Variants in PRKCZ observed in about 807,000 individuals in gnomAD.
PRKCZ encodes the protein protein kinase C zeta.
Under a neutral mutation model 79.5 loss-of-function variants are expected in PRKCZ, and 33 were observed. The ratio of observed to expected loss-of-function variants is 0.41; its 90% CI spans 0.31 to 0.55. PRKCZ has a LOEUF of 0.55. Ranked by LOEUF, PRKCZ falls within the 20% of genes least tolerant of loss-of-function variation. The pLI is 0.19. For missense variants in PRKCZ, 578 were observed against 813.5 expected (o/e 0.71, Z 3.52); for synonymous variants, 342 against 320.9 (o/e 1.07, Z -0.70).
At chr1:2,106,507 AACTCTCAGCAAGCCCCTCTG>A (rs1557574271) in intron 4 of PRKCZ, among the ~76,000 whole-genome samples, 1,381 of 46,386 alleles carry the variant, frequency 0.03, 359 homozygotes, top group Middle Eastern at 0.1. Context: ...CAGGCCAGGT[AACTCTCAGCAAGCCCCTCTG>A]GTGGGCGAGG....
In PRKCZ at chr1:2,172,408, C is replaced by T; in HGVS notation, c.1285+20C>T. ...AGTACGGTGAGTGCCGCTGCCCTGG[C>T]CCCTCTCGGAGCACACAGGGCCAGA... On this transcript the variant is annotated intron_variant, in intron 13 of 17. Transcript: ENST00000378567. The surrounding 1 kb of genome is among the most constrained non-coding windows in gnomAD (Gnocchi z 7.8). 1.9e-6 allele frequency: 3 copies of T among 1,603,854 alleles called. No homozygotes were observed. The highest frequency in any genetic ancestry group is 1.7e-6 in the Non-Finnish European group (2 of 1,174,880).
intron 4 of PRKCZ, among the ~76,000 whole-genome samples, chr1:2,102,641 G>C (rs1438096714): frequency 6.6e-6 from 1 of 151,852 alleles, no homozygotes; most frequent in Admixed American, 6.6e-5. Context: ...CCTCGTTTTT[G>C]TTTGTTTTAC....
intron 4 of PRKCZ, among the ~76,000 whole-genome samples, chr1:2,126,697 G>C (rs972056371): frequency 1.3e-5 from 2 of 152,210 alleles, no homozygotes; most frequent in African/African-American, 2.4e-5. Context: ...ATGGCATTGC[G>C]CAGCTCCACC....
intron 9 of PRKCZ, among the ~76,000 whole-genome samples, chr1:2,155,365 T>C (rs1680783352): frequency 6.6e-6 from 1 of 151,562 alleles, no homozygotes. Flanking sequence ...ACGGTGATGA[T>C]GGTGATGACA....
intron 5 of PRKCZ, among the ~76,000 whole-genome samples, chr1:2,137,152 G>A (rs184415924): frequency 4.9e-4 from 74 of 152,296 alleles, no homozygotes; most frequent in Admixed American, 1.0e-3. Context: ...AAGTCCCGGA[G>A]TCTAAAGGCC....
intron 11 of PRKCZ, among the ~76,000 whole-genome samples, chr1:2,170,800 C>G (rs895407372): frequency 3.3e-5 from 5 of 152,236 alleles, no homozygotes; most frequent in Non-Finnish European, 7.3e-5. Context: ...AAGATTCATC[C>G]GTGCTGTGGC....
In PRKCZ at chr1:2,180,579, C is replaced by G. The variant is rs576878993; in HGVS notation, c.1576-4004C>G. On this transcript the variant is annotated intron_variant, in intron 16 of 17. Coordinates refer to ENST00000378567, the MANE Select transcript of PRKCZ (RefSeq NM_002744.6). ...TGGACGACGTGGACGCACAGATGAC[C>G]TGGACGCACGGACGACGTGGACGCA... Among the ~76,000 whole-genome samples the G allele has an allele frequency of 2.1e-3, 319 of 150,440 alleles. 1 individual carries two copies. The highest frequency in any genetic ancestry group is 7.0e-3 in the South Asian group (33 of 4,730).
At chr1:2,102,991 T>C (rs1667760280) in intron 4 of PRKCZ, among the ~76,000 whole-genome samples, 1 of 152,080 alleles carries the variant, frequency 6.6e-6, no homozygotes, top group Admixed American at 6.6e-5. Flanking sequence ...CACCTCAGCC[T>C]CCCAACTAGC....
At chr1:2,169,691 G>A (rs1274165141) in intron 11 of PRKCZ, 87 bp downstream of exon 11, 10 of 670,352 alleles carry the variant, frequency 1.5e-5, no homozygotes, top group African/African-American at 2.0e-5. Flanking sequence ...GGGTGGGTGC[G>A]CACAGAGGGA....
chr1:2,058,522 G>A (rs1049703509), intron 3 of PRKCZ, among the ~76,000 whole-genome samples: 18 of 152,056 alleles, frequency 1.2e-4, no homozygotes, highest in Non-Finnish European at 2.5e-4. Flanking sequence ...CCTTTTTATT[G>A]TGGTTGTGAT....
Position 2,185,020 on chromosome 1 carries a change from G to T in PRKCZ, c.*11G>T, listed in dbSNP as rs375333957. 2 of 1,605,646 alleles carry T rather than the reference G, an allele frequency of 1.2e-6. No homozygotes were observed. The highest frequency in any genetic ancestry group is 2.7e-5 in the African/African-American group (2 of 74,836). ...GAGGAGTCGGTGTGAGGCCGCGTGCGTCTCTGTCGTGGACACGCGTGATTG... is the reference window on the plus strand; with the variant it reads ...GAGGAGTCGGTGTGAGGCCGCGTGCTTCTCTGTCGTGGACACGCGTGATTG... On this transcript the variant is annotated 3_prime_UTR_variant, in exon 18 of 18. Transcript: ENST00000378567.
intron 4 of PRKCZ, among the ~76,000 whole-genome samples, chr1:2,130,221 T>A (rs1279752505): frequency 1.3e-5 from 2 of 152,208 alleles, no homozygotes; most frequent in Admixed American, 6.5e-5. Context: ...GTGTATTTGT[T>A]AAGTACAGGC....
chr1:2,110,606 C>T (rs1669537535), intron 4 of PRKCZ, among the ~76,000 whole-genome samples: 1 of 152,212 alleles, frequency 6.6e-6, no homozygotes, highest in Non-Finnish European at 1.5e-5. Flanking sequence ...CCTGAGTCCA[C>T]TGGGCCCTCG....
intron 10 of PRKCZ, among the ~76,000 whole-genome samples, chr1:2,158,832 G>A (rs1681637830): frequency 6.6e-6 from 1 of 152,198 alleles, no homozygotes; most frequent in Non-Finnish European, 1.5e-5. Flanking sequence ...CGTCTGTGGG[G>A]TGTCTGTGGG....
chr1:2,073,663 C>T, intron 4 of PRKCZ: 1 of 992,866 alleles, frequency 1.0e-6, no homozygotes, highest in African/African-American at 1.7e-5. Flanking sequence ...GTTTGTGCCT[C>T]AGCTGCTGGC....
intron 4 of PRKCZ, among the ~76,000 whole-genome samples, chr1:2,070,106 C>T (rs1452855365): frequency 6.6e-6 from 1 of 152,178 alleles, no homozygotes; most frequent in Non-Finnish European, 1.5e-5. Context: ...GCCGCAGACC[C>T]CACTTAGCAG....
intron 4 of PRKCZ, among the ~76,000 whole-genome samples, chr1:2,102,419 G>A (rs1216072000): frequency 2.6e-5 from 4 of 151,324 alleles, no homozygotes; most frequent in Non-Finnish European, 5.9e-5. Context: ...TGCAAGCCCC[G>A]TCTCCCAAGT....
At chr1:2,176,694 G>A (rs1226301208) in intron 16 of PRKCZ, among the ~76,000 whole-genome samples, 2 of 152,252 alleles carry the variant, frequency 1.3e-5, no homozygotes, top group African/African-American at 2.4e-5. Flanking sequence ...CTCGGCCAGC[G>A]TGGGAGGTCA....
chr1:2,068,545 C>T (rs1250922055), intron 4 of PRKCZ, among the ~76,000 whole-genome samples: 1 of 152,260 alleles, frequency 6.6e-6, no homozygotes, highest in Non-Finnish European at 1.5e-5. Flanking sequence ...GGACATTCAC[C>T]TTGAGACCTG....
Sources: allele counts gnomAD v4.1 joint callset (sites outside exome capture counted in the v4.1 genomes callset), GRCh38; gene constraint gnomAD v4.1.1; non-coding constraint Gnocchi (gnomAD v3.1); transcripts MANE v1.5; gene names NCBI Gene and HGNC (gene_info 2026-07-23, HGNC 2026-07-21).